Variants in LRMDA observed in about 807,000 individuals in gnomAD.
LRMDA encodes leucine-rich melanocyte differentiation-associated protein.
Under a neutral mutation model 29.8 loss-of-function variants are expected in LRMDA, and 18 were observed. The observed-to-expected ratio is 0.60, with a 90% CI of 0.42 to 0.90. The LOEUF is 0.90. LRMDA is among the 40% of genes least tolerant of loss of function. The probability of loss-of-function intolerance (pLI) is 0.00; values close to 1 mark genes in which losing one functional copy is unlikely to be tolerated. For synonymous variants in LRMDA, 125 were observed against 109.4 expected (o/e 1.14, Z -0.89); for missense variants, 273 against 273.9 (o/e 1.00, Z 0.02).
intron 5 of LRMDA, among the ~76,000 whole-genome samples, chr10:76,165,498 C>T (rs1407379064): frequency 6.6e-6 from 1 of 152,032 alleles, no homozygotes; most frequent in Non-Finnish European, 1.5e-5. Context: ...CCTCAAATGC[C>T]TGACTTCAAG....
intron 6 of LRMDA, among the ~76,000 whole-genome samples, chr10:76,387,602 C>CAA (rs998372463): frequency 2.6e-5 from 3 of 116,862 alleles, no homozygotes; most frequent in African/African-American, 6.2e-5. Context: ...AACACTGTTT[C>CAA]AAAAAAAAAA....
At chr10:75,535,466 T>C (rs1839935185) in intron 2 of LRMDA, among the ~76,000 whole-genome samples, 1 of 152,208 alleles carries the variant, frequency 6.6e-6, no homozygotes, top group Non-Finnish European at 1.5e-5. Flanking sequence ...ATTCAAGCCA[T>C]GAATCCCTCT....
intron 5 of LRMDA, among the ~76,000 whole-genome samples, chr10:76,312,798 A>G (rs1840645834): frequency 6.6e-6 from 1 of 151,558 alleles, no homozygotes. Context: ...ACAAGTGAGA[A>G]GCAAAATTAA....
At position 76,026,367 on chromosome 10, in the gene LRMDA, G is replaced by A. The variant is rs953871955; in HGVS notation, c.132-9641G>A. Reference sequence around the variant, plus strand: ...CTAAATGTGGCCTGGTGACTCATGTGTGTTTTCAGGTAGGCCACTTTACCT... The same window carrying A: ...CTAAATGTGGCCTGGTGACTCATGTATGTTTTCAGGTAGGCCACTTTACCT... On this transcript the variant is annotated intron_variant, in intron 2 of 6. Coordinates refer to ENST00000611255, the MANE Select transcript of LRMDA (RefSeq NM_001305581.2). 3.3e-5 allele frequency among the ~76,000 whole-genome samples: 5 copies of A among 152,306 alleles called. No homozygotes were observed. In the South Asian group the frequency reaches 6.2e-4, roughly 19 times the overall value.
At chr10:75,607,180 C>T (rs1289599713) in intron 2 of LRMDA, among the ~76,000 whole-genome samples, 1 of 152,224 alleles carries the variant, frequency 6.6e-6, no homozygotes, top group African/African-American at 2.4e-5. Flanking sequence ...GAAATGGTTA[C>T]TTCCAAAGTG....
intron 6 of LRMDA, among the ~76,000 whole-genome samples, chr10:76,397,841 A>G (rs1841804812): frequency 2.0e-5 from 3 of 152,252 alleles, no homozygotes; most frequent in Admixed American, 2.0e-4. Flanking sequence ...AAGGGGGTGA[A>G]CAACAGAAAA....
chr10:75,804,055 T>C (rs967534432), intron 2 of LRMDA, among the ~76,000 whole-genome samples: 4 of 152,204 alleles, frequency 2.6e-5, no homozygotes, highest in African/African-American at 4.8e-5. Flanking sequence ...TCTGTGACCT[T>C]TTCCATTGAG....
intron 2 of LRMDA, among the ~76,000 whole-genome samples, chr10:75,805,262 A>C (rs975699922): frequency 6.6e-6 from 1 of 152,092 alleles, no homozygotes; most frequent in African/African-American, 2.4e-5. Flanking sequence ...TAAGGGTTGG[A>C]GAAAGTAATG....
chr10:76,055,453 G>A (rs573588366), intron 4 of LRMDA, among the ~76,000 whole-genome samples: 14 of 152,308 alleles, frequency 9.2e-5, no homozygotes, highest in Admixed American at 6.5e-4. Flanking sequence ...TAATGTCACC[G>A]AATCCTTGGG....
intron 2 of LRMDA, among the ~76,000 whole-genome samples, chr10:75,439,751 C>G (rs1175663949): frequency 6.6e-6 from 1 of 152,166 alleles, no homozygotes; most frequent in Non-Finnish European, 1.5e-5. Context: ...AAGTAGTACA[C>G]AGGGATGAGA....
At chr10:75,645,692 G>A (rs968869561) in intron 2 of LRMDA, among the ~76,000 whole-genome samples, 5 of 152,136 alleles carry the variant, frequency 3.3e-5, no homozygotes, top group African/African-American at 1.2e-4. Flanking sequence ...GGAACTTGGT[G>A]TCTTCTGGCA....
In LRMDA at chr10:75,431,746, G is replaced by T; in HGVS notation, c.22G>T (p.Gly8Ter). The T allele has an allele frequency of 7.3e-7, 1 of 1,375,158 alleles. No individual in the cohort carries two copies. 85.2% of individuals were successfully genotyped at this position (1,375,158 alleles called of 1,614,324 possible). A position where few individuals can be genotyped will look rare whatever the true frequency, so the allele number is the denominator to read the frequency against. The change falls in exon 1 of 7, where the codon GGA (glycine) becomes TGA (stop). Residue 8 changes from glycine to a stop codon, truncating the protein, a stop_gained. Coordinates refer to ENST00000611255, the MANE Select transcript of LRMDA (RefSeq NM_001305581.2). LOFTEE classifies it high-confidence loss of function. MAGLVVR[G>*]TQVSYIGQDC... ...CGCCATGGCCGGGCTCGTGGTGCGT[G>T]GAACTCAAGTAAGTCCCGGCCAGCC...
intron 6 of LRMDA, among the ~76,000 whole-genome samples, chr10:76,474,986 A>G (rs1413156878): frequency 6.6e-6 from 1 of 151,842 alleles, no homozygotes; most frequent in East Asian, 1.9e-4. Flanking sequence ...ATGAGTGCAT[A>G]AATAAAATGC....
At chr10:75,841,775 T>C (rs986536784) in intron 2 of LRMDA, among the ~76,000 whole-genome samples, 8 of 152,242 alleles carry the variant, frequency 5.3e-5, no homozygotes, top group Non-Finnish European at 1.2e-4. Flanking sequence ...CATAGTCATC[T>C]CTGCTGGTGC....
intron 5 of LRMDA, among the ~76,000 whole-genome samples, chr10:76,153,443 A>G (rs1208440258): frequency 6.6e-6 from 1 of 152,126 alleles, no homozygotes; most frequent in Non-Finnish European, 1.5e-5. Flanking sequence ...AGAATTTTGT[A>G]TCTTTGGCTT....
chr10:76,062,645 A>ACT (rs1848719283), intron 5 of LRMDA, among the ~76,000 whole-genome samples: 1 of 112,074 alleles, frequency 8.9e-6, no homozygotes, highest in Admixed American at 9.2e-5. Flanking sequence ...ATGCTTCCAG[A>ACT]CTTTATCTCT....
chr10:75,695,658 C>T (rs1842224617), intron 2 of LRMDA, among the ~76,000 whole-genome samples: 1 of 152,152 alleles, frequency 6.6e-6, no homozygotes, highest in African/African-American at 2.4e-5. Flanking sequence ...GTCTCTTCTT[C>T]ACTTGGTTTT....
intron 2 of LRMDA, among the ~76,000 whole-genome samples, chr10:75,540,110 C>T (rs942709615): frequency 2.0e-5 from 3 of 152,006 alleles, no homozygotes; most frequent in Non-Finnish European, 2.9e-5. Flanking sequence ...CAACATTATA[C>T]CATATTGAAA....
At chr10:75,705,347 G>A (rs1842354125) in intron 2 of LRMDA, among the ~76,000 whole-genome samples, 1 of 152,204 alleles carries the variant, frequency 6.6e-6, no homozygotes, top group Admixed American at 6.5e-5. Flanking sequence ...CTAACTCTGG[G>A]CAGTTGGGTG....
Sources: allele counts gnomAD v4.1 joint callset (sites outside exome capture counted in the v4.1 genomes callset), GRCh38; gene constraint gnomAD v4.1.1; transcripts MANE v1.5; gene names NCBI Gene and HGNC (gene_info 2026-07-23, HGNC 2026-07-21).